CLASP1: variants seen among roughly 807,000 people sequenced by gnomAD.
CLASP1 encodes the protein CLIP-associating protein 1.
CLASP1 carries 38 observed loss-of-function variants against 192.3 expected under a neutral mutation model. That is an observed-to-expected ratio of 0.20 (90% CI 0.15 to 0.26). The LOEUF (loss-of-function observed/expected upper bound fraction) is 0.26, where lower values mean the gene tolerates loss of function less well. CLASP1 is among the 10% of genes least tolerant of loss of function. CLASP1 has a pLI of 1.00. For missense variants in CLASP1, 1,433 were observed against 1,932.5 expected (o/e 0.74, Z 4.85); for synonymous variants, 691 against 712.8 (o/e 0.97, Z 0.49).
chr2:121,399,151 T>C (rs2075774628), intron 28 of CLASP1, among the ~76,000 whole-genome samples: 3 of 152,202 alleles, frequency 2.0e-5, no homozygotes, highest in African/African-American at 7.2e-5. Context: ...TACGTAAATG[T>C]AGTAAAATAA....
intron 1 of CLASP1, among the ~76,000 whole-genome samples, chr2:121,632,777 T>G (rs2069960210): frequency 6.6e-6 from 1 of 151,702 alleles, no homozygotes; most frequent in African/African-American, 2.4e-5. Context: ...ATGCCTGTAA[T>G]CCTAGCTACT....
chr2:121,515,651 A>G lies in CLASP1; in HGVS notation c.644+14T>C. The G allele has an allele frequency of 6.2e-7, 1 of 1,610,448 alleles. No homozygotes were observed. The highest frequency in any genetic ancestry group is 8.5e-7 in the Non-Finnish European group (1 of 1,176,758). ...GTTGGGTAGAGCAGAAGAAAGGAAA[A>G]AATCTGCACTCACCGGGACTGTGGC... On this transcript the variant is annotated intron_variant, in intron 7 of 39. Transcript: ENST00000263710.
At chr2:121,533,408 C>A (rs186009765) in intron 2 of CLASP1, among the ~76,000 whole-genome samples, 1 of 151,622 alleles carries the variant, frequency 6.6e-6, no homozygotes, top group Non-Finnish European at 1.5e-5. Context: ...TGTGCCTAAC[C>A]TCCTCATCTG....
At chr2:121,473,663 C>T (rs1476370250) in intron 8 of CLASP1, among the ~76,000 whole-genome samples, 3 of 152,158 alleles carry the variant, frequency 2.0e-5, no homozygotes, top group Non-Finnish European at 4.4e-5. Flanking sequence ...CACAGAAAAG[C>T]ATACGGAGGC....
At chr2:121,604,807 T>A (rs964060221) in intron 2 of CLASP1, among the ~76,000 whole-genome samples, 7 of 152,174 alleles carry the variant, frequency 4.6e-5, no homozygotes, top group Admixed American at 2.6e-4. Flanking sequence ...TCCAAACCAA[T>A]CTCAAAAGAT....
At chr2:121,499,926 C>T (rs1458984197) in intron 8 of CLASP1, among the ~76,000 whole-genome samples, 1 of 152,122 alleles carries the variant, frequency 6.6e-6, no homozygotes, top group Non-Finnish European at 1.5e-5. Flanking sequence ...AGGATAGGAA[C>T]CAGACGAGGA....
rs983845260 is a variant in CLASP1 at position 121,530,955 on chromosome 2, C to G, written c.196-630G>C. On this transcript the variant is annotated intron_variant, in intron 2 of 39. Transcript: ENST00000263710. ...GGCAGTACTGCTAACGCCTGAACAA[C>G]ACACCCGCATCAACTAGAGCTTTTG... 3.9e-5 allele frequency: 27 copies of G among 700,308 alleles called. No homozygotes were observed. Among genetic ancestry groups the G allele is most frequent in the Non-Finnish European group, 6.8e-5 (26 of 384,834 alleles). The allele number at this position is 700,308 out of a possible 1,614,324, so 43.4% of individuals were successfully genotyped here.
At chr2:121,597,216 TTC>T (rs2063242101) in intron 2 of CLASP1, among the ~76,000 whole-genome samples, 2 of 152,230 alleles carry the variant, frequency 1.3e-5, no homozygotes, top group Non-Finnish European at 2.9e-5. Context: ...AGCATCAGTC[TTC>T]TCATTTGTAA....
intron 2 of CLASP1, among the ~76,000 whole-genome samples, chr2:121,538,045 C>T (rs977020284): frequency 1.3e-5 from 2 of 152,052 alleles, no homozygotes; most frequent in Non-Finnish European, 2.9e-5. Context: ...GACTGGAACA[C>T]GACAAAAATA....
intron 2 of CLASP1, among the ~76,000 whole-genome samples, chr2:121,565,232 T>TC (rs1414976066): frequency 6.6e-6 from 1 of 152,168 alleles, no homozygotes; most frequent in African/African-American, 2.4e-5. Context: ...ATATAGGGTC[T>TC]CCCTAGGCAT....
intron 1 of CLASP1, among the ~76,000 whole-genome samples, chr2:121,641,233 C>T (rs1306337474): frequency 6.6e-6 from 1 of 151,894 alleles, no homozygotes; most frequent in Non-Finnish European, 1.5e-5. Flanking sequence ...TGCCTCTACC[C>T]ACAGGAAAGA....
At chr2:121,645,243 T>A (rs1430727959) in intron 1 of CLASP1, among the ~76,000 whole-genome samples, 1 of 152,224 alleles carries the variant, frequency 6.6e-6, no homozygotes, top group Non-Finnish European at 1.5e-5. Flanking sequence ...ATGGGAAATA[T>A]GAAGTGCTAT....
At chr2:121,447,377 G>C in exon 19 of CLASP1, 3 of 1,587,294 alleles carry the variant, frequency 1.9e-6, no homozygotes, top group Non-Finnish European at 2.6e-6. Flanking sequence ...CTGCTGCAGA[G>C]CTGAAAGGCG....
chr2:121,371,228 C>CAT (rs1412209185), intron 34 of CLASP1, among the ~76,000 whole-genome samples: 1 of 146,878 alleles, frequency 6.8e-6, no homozygotes, highest in South Asian at 2.2e-4. Context: ...TGTATATATA[C>CAT]ATATATATAT....
chr2:121,478,676 A>AC (rs1559365618), intron 8 of CLASP1, among the ~76,000 whole-genome samples: 17 of 69,428 alleles, frequency 2.4e-4, no homozygotes, highest in African/African-American at 8.5e-4. Flanking sequence ...CACACACACC[A>AC]CACACACACC....
Position 121,451,866 on chromosome 2 carries a change from A to C in CLASP1, c.1386-17T>G. On this transcript the variant is annotated splice_polypyrimidine_tract_variant and intron_variant, in intron 14 of 39. Coordinates refer to ENST00000263710, the Ensembl canonical transcript of CLASP1. ...AAACAGCGCCTAAAAAGTATTAAGA[A>C]ATACACAACTTATTAATACATATTT... 6.6e-7 allele frequency: 1 copy of C among 1,524,480 alleles called. No individual in the cohort carries two copies. Among genetic ancestry groups the C allele is most frequent in the Non-Finnish European group, 8.9e-7 (1 of 1,120,680 alleles). The allele number at this position is 1,524,480 out of a possible 1,614,324, so 94.4% of individuals were successfully genotyped here.
intron 37 of CLASP1, among the ~76,000 whole-genome samples, chr2:121,348,966 C>A (rs553206158): frequency 9.5e-4 from 144 of 152,148 alleles, no homozygotes; most frequent in African/African-American, 3.3e-3. Flanking sequence ...CTCGGCCGGG[C>A]GCGGTGGCTC....
intron 2 of CLASP1, among the ~76,000 whole-genome samples, chr2:121,537,346 C>T (rs979699924): frequency 7.3e-5 from 11 of 151,436 alleles, no homozygotes; most frequent in South Asian, 2.1e-4. Context: ...GAGCCGTGAT[C>T]TTGTCACTGC....
At chr2:121,531,025 TA>T in intron 2 of CLASP1, 2 of 700,062 alleles carry the variant, frequency 2.9e-6, no homozygotes, top group Non-Finnish European at 5.2e-6. Context: ...CCTGTTTTCA[TA>T]GACTTATCAG....
Sources: gnomAD v4.1 joint callset for allele counts (sites outside exome capture counted in the v4.1 genomes callset) on GRCh38, gnomAD v4.1.1 for gene constraint, MANE v1.5 for transcripts, NCBI Gene and HGNC (gene_info 2026-07-23, HGNC 2026-07-21) for gene names.